Variants in SLCO1A2 observed in about 807,000 individuals in gnomAD.
SLCO1A2 encodes OATP-1.
SLCO1A2 carries 67 observed loss-of-function variants against 69.0 expected under a neutral mutation model. The observed-to-expected ratio is 0.97, with a 90% CI of 0.80 to 1.19. SLCO1A2 has a LOEUF of 1.19. Ranked by LOEUF, SLCO1A2 falls within the 50% of genes most tolerant of loss-of-function variation. The probability of loss-of-function intolerance (pLI) is 0.00; values close to 1 mark genes in which losing one functional copy is unlikely to be tolerated. For missense variants in SLCO1A2, 787 were observed against 793.7 expected, an observed-to-expected ratio of 0.99 and a Z score of 0.10; for synonymous variants, 260 against 265.9, an observed-to-expected ratio of 0.98 and a Z score of 0.22.
intron 1 of SLCO1A2, among the ~76,000 whole-genome samples, chr12:21,384,523 C>G (rs558637577): frequency 6.6e-6 from 1 of 152,094 alleles, no homozygotes; most frequent in East Asian, 1.9e-4. Flanking sequence ...GCACACAAAC[C>G]CTTAAAAGGA....
At position 21,353,030 on chromosome 12, in the gene SLCO1A2, G is replaced by C. The variant is rs567464019; in HGVS notation, c.-62-18321C>G. Among the ~76,000 whole-genome samples, 36 of 152,260 alleles carry C rather than the reference G, an allele frequency of 2.4e-4. 1 individual carries two copies. The highest frequency in any genetic ancestry group is 2.1e-3 in the South Asian group (10 of 4,824). On this transcript the variant is annotated intron_variant, in intron 2 of 15. Coordinates refer to the SLCO1A2 transcript ENST00000307378. Reference sequence around the variant, plus strand: ...TGAGCAGTGCTACAACAAAATAACAGAATATTCCCCCTTAAATAATTATAA... The same window carrying C: ...TGAGCAGTGCTACAACAAAATAACACAATATTCCCCCTTAAATAATTATAA...
chr12:21,304,747 A>G (rs762269273), intron 5 of SLCO1A2, among the ~76,000 whole-genome samples, 174 bp from the exon 6 acceptor site: 14 of 152,196 alleles, frequency 9.2e-5, no homozygotes, highest in Non-Finnish European at 1.5e-4. Context: ...ATTTTCTGAC[A>G]GTGGACTTGA....
rs149209731 is a variant in SLCO1A2 at position 21,394,646 on chromosome 12, T to G, written c.-190+260A>C. Among the ~76,000 whole-genome samples, 30 of 151,416 alleles carry G rather than the reference T, an allele frequency of 2.0e-4. No homozygotes were observed. In the South Asian group the frequency reaches 3.1e-3, roughly 16 times the overall value. On this transcript the variant is annotated intron_variant, in intron 1 of 15. Coordinates refer to the SLCO1A2 transcript ENST00000307378. ...GACATACTGCAGTTAGAGCAAGCTATTCCTGAACAAGGTGATACGGCCACC... is the reference window on the plus strand; with the variant it reads ...GACATACTGCAGTTAGAGCAAGCTAGTCCTGAACAAGGTGATACGGCCACC...
Position 21,268,634 on chromosome 12 carries a change from C to G in SLCO1A2, c.*914G>C, listed in dbSNP as rs977002156. On this transcript the variant is annotated 3_prime_UTR_variant, in exon 15 of 15. Coordinates refer to ENST00000683939, the MANE Select transcript of SLCO1A2 (RefSeq NM_001386879.1). ...GCCTTTACTAACCTCTGTTTCATAA[C>G]AGAAGCTATTGTCTAAGATTATTTT... 4 of 151,998 alleles carry G rather than the reference C, an allele frequency of 2.6e-5. No homozygotes were observed. The highest frequency in any genetic ancestry group is 4.4e-5 in the Non-Finnish European group (3 of 67,976). The allele number at this position is 151,998 out of a possible 1,614,324, so 9.4% of individuals were successfully genotyped here.
chr12:21,304,971 T>C (rs571645050), intron 5 of SLCO1A2, among the ~76,000 whole-genome samples: 1 of 152,314 alleles, frequency 6.6e-6, no homozygotes, highest in African/African-American at 2.4e-5. Context: ...TGCTTCCCCA[T>C]TCCTACCCAA....
At chr12:21,395,714 C>T (rs1941422593), upstream of SLCO1A2, among the ~76,000 whole-genome samples, 1 of 152,136 alleles carries the variant, frequency 6.6e-6, no homozygotes, top group Admixed American at 6.5e-5. Context: ...GGTCCCTGAC[C>T]CCTGACCCCC....
At chr12:21,375,285 ATATGTTGCCTGAAATGAG>A (rs1006711527) in intron 1 of SLCO1A2, among the ~76,000 whole-genome samples, 2 of 152,170 alleles carry the variant, frequency 1.3e-5, no homozygotes, top group African/African-American at 4.8e-5. Context: ...TTGCTTTTTA[ATATGTTGCCTGAAATGAG>A]TATGTTTGAA....
intron 2 of SLCO1A2, among the ~76,000 whole-genome samples, chr12:21,365,012 C>T (rs1939258230): frequency 6.6e-6 from 1 of 152,158 alleles, no homozygotes; most frequent in African/African-American, 2.4e-5. Flanking sequence ...CATCAAGCTA[C>T]CAATGACTTT....
intron 11 of SLCO1A2, among the ~76,000 whole-genome samples, 158 bp from the exon 12 acceptor site, chr12:21,292,494 G>A (rs1947031273): frequency 6.6e-6 from 1 of 151,964 alleles, no homozygotes; most frequent in African/African-American, 2.4e-5. Context: ...TAACAAAACT[G>A]GAAGGGTGAT....
intron 1 of SLCO1A2, among the ~76,000 whole-genome samples, chr12:21,378,052 A>G (rs1452481169): frequency 3.3e-5 from 5 of 152,194 alleles, no homozygotes; most frequent in Non-Finnish European, 7.4e-5. Context: ...TATGATTTTC[A>G]ATTGTTATTT....
intron 2 of SLCO1A2, among the ~76,000 whole-genome samples, chr12:21,327,560 C>A (rs896902925): frequency 8.5e-5 from 13 of 152,174 alleles, no homozygotes; most frequent in Non-Finnish European, 1.6e-4. Context: ...CATGGGAACC[C>A]ACCTCTTGCA....
intron 1 of SLCO1A2, among the ~76,000 whole-genome samples, chr12:21,407,824 A>G (rs112576244): frequency 9.5e-6 from 1 of 104,726 alleles, no homozygotes; most frequent in East Asian, 3.0e-4. Context: ...AATAAATGAA[A>G]AAAAAAAAAA....
chr12:21,317,342 G>A (rs1951009207), intron 3 of SLCO1A2, among the ~76,000 whole-genome samples: 1 of 151,928 alleles, frequency 6.6e-6, no homozygotes, highest in African/African-American at 2.4e-5. Context: ...GCTGAATGTT[G>A]CTTCTCACAT....
At chr12:21,380,827 CAACCATGAGCAGGG>C (rs1234116201) in intron 1 of SLCO1A2, among the ~76,000 whole-genome samples, 1 of 152,090 alleles carries the variant, frequency 6.6e-6, no homozygotes, top group Non-Finnish European at 1.5e-5. Context: ...GGTAGCTAGG[CAACCATGAGCAGGG>C]AAGAGAGGGC....
intron 1 of SLCO1A2, among the ~76,000 whole-genome samples, chr12:21,380,157 A>G (rs1940496328): frequency 6.6e-6 from 1 of 152,192 alleles, no homozygotes; most frequent in African/African-American, 2.4e-5. Flanking sequence ...ATAACAAAAT[A>G]TGTAATTTAT....
At chr12:21,357,795 G>C (rs1938490209) in intron 2 of SLCO1A2, among the ~76,000 whole-genome samples, 1 of 152,072 alleles carries the variant, frequency 6.6e-6, no homozygotes. Flanking sequence ...CAAGATCTCA[G>C]GAGTCCTTAA....
At chr12:21,398,724 C>T (rs368837045), upstream of SLCO1A2, among the ~76,000 whole-genome samples, 62 of 151,206 alleles carry the variant, frequency 4.1e-4, no homozygotes, top group Admixed American at 5.9e-4. Context: ...GTTCAATATA[C>T]GCAAATCAAT....
At position 21,325,310 on chromosome 12, in the gene SLCO1A2, A is replaced by C. The variant is rs376100911; in HGVS notation, c.61-6387T>G. Among the ~76,000 whole-genome samples, 17 of 151,970 alleles carry C rather than the reference A, an allele frequency of 1.1e-4. No homozygotes were observed. In the East Asian group the frequency reaches 1.4e-3, roughly 12 times the overall value. On this transcript the variant is annotated intron_variant, in intron 2 of 14. Transcript: ENST00000683939. ...CAATACCAATTTTCACAAGATATTT[A>C]GGTGAAGAAGTTAAAATTACCTTAC... is the stretch of plus-strand genomic sequence containing the variant.
At chr12:21,385,136 T>A (rs1591906341) in intron 1 of SLCO1A2, among the ~76,000 whole-genome samples, 1 of 152,288 alleles carries the variant, frequency 6.6e-6, no homozygotes, top group East Asian at 1.9e-4. Flanking sequence ...TATATAAATA[T>A]GAAACCTCTG....
Sources: gnomAD v4.1 joint callset for allele counts (sites outside exome capture counted in the v4.1 genomes callset) on GRCh38, gnomAD v4.1.1 for gene constraint, MANE v1.5 for transcripts, NCBI Gene and HGNC (gene_info 2026-07-23, HGNC 2026-07-21) for gene names.